The following RORA variants were observed in gnomAD, a reference collection of about 807,000 sequenced individuals.
RORA encodes RAR related orphan receptor A, also known as nuclear receptor ROR-alpha.
A neutral mutation model predicts 69.5 loss-of-function variants in RORA; 7 were observed. The ratio of observed to expected loss-of-function variants is 0.10; its 90% CI spans 0.06 to 0.19. The LOEUF is 0.19. RORA is among the 10% of genes least tolerant of loss of function. The pLI is 1.00. For missense variants in RORA, 457 were observed against 663.0 expected (o/e 0.69, Z 3.41); for synonymous variants, 261 against 240.8 (o/e 1.08, Z -0.78).
At chr15:60,783,351 A>T (rs1179317580) in intron 1 of RORA, among the ~76,000 whole-genome samples, 2 of 152,058 alleles carry the variant, frequency 1.3e-5, no homozygotes, top group East Asian at 3.9e-4. Flanking sequence ...TTTCTTTTCT[A>T]TTTAAAAATT....
chr15:61,181,678 G>C (rs1378830051), intron 1 of RORA, among the ~76,000 whole-genome samples: 4 of 131,558 alleles, frequency 3.0e-5, no homozygotes, highest in African/African-American at 8.6e-5. Flanking sequence ...GATTAGCTTT[G>C]GCAAAAAAAA....
chr15:61,078,019 A>T (rs993211381), intron 1 of RORA, among the ~76,000 whole-genome samples: 1 of 152,190 alleles, frequency 6.6e-6, no homozygotes, highest in Non-Finnish European at 1.5e-5. Context: ...CGGTGAAGAG[A>T]GCAAGCACTC....
At chr15:60,923,990 C>T (rs1210406929) in intron 1 of RORA, among the ~76,000 whole-genome samples, 2 of 152,308 alleles carry the variant, frequency 1.3e-5, no homozygotes, top group Non-Finnish European at 1.5e-5. Context: ...GAGCACGGGG[C>T]AGTGTGTTTT....
chr15:60,889,210 C>T lies in RORA; in HGVS notation c.167-210524G>A, dbSNP rs188013306. 3.9e-3 allele frequency among the ~76,000 whole-genome samples: 595 copies of T among 152,346 alleles called. 2 individuals are homozygous for T. Among genetic ancestry groups the T allele is most frequent in the Non-Finnish European group, 7.1e-3 (484 of 68,044 alleles). On this transcript the variant is annotated intron_variant, in intron 1 of 10. Transcript: ENST00000335670. ...TCCTCGAGGCAGGAACTAGATTCTCCGGTGCTGTGCTTCCAGCACCACGCC... is the reference window on the plus strand; with the variant it reads ...TCCTCGAGGCAGGAACTAGATTCTCTGGTGCTGTGCTTCCAGCACCACGCC...
At chr15:60,885,143 G>T (rs2073737356) in intron 1 of RORA, among the ~76,000 whole-genome samples, 2 of 152,170 alleles carry the variant, frequency 1.3e-5, no homozygotes, top group Non-Finnish European at 2.9e-5. Flanking sequence ...ATCTGGACTG[G>T]TCTATAATAC....
At chr15:61,038,385 C>T (rs1896571459) in intron 1 of RORA, among the ~76,000 whole-genome samples, 1 of 152,150 alleles carries the variant, frequency 6.6e-6, no homozygotes, top group South Asian at 2.1e-4. Context: ...AACATTGCAT[C>T]CACAAACACT....
intron 1 of RORA, among the ~76,000 whole-genome samples, chr15:61,192,839 C>G (rs1219974363): frequency 1.3e-5 from 2 of 152,218 alleles, no homozygotes; most frequent in Non-Finnish European, 2.9e-5. Flanking sequence ...TCTACATTTT[C>G]TAATCTGTGA....
chr15:60,563,251 C>T (rs1341750862), intron 2 of RORA, among the ~76,000 whole-genome samples: 1 of 152,174 alleles, frequency 6.6e-6, no homozygotes, highest in Non-Finnish European at 1.5e-5. Context: ...GGTGCAAATA[C>T]CAGGTGTGCC....
intron 2 of RORA, among the ~76,000 whole-genome samples, chr15:60,555,327 G>C (rs987517153): frequency 6.6e-6 from 1 of 152,148 alleles, no homozygotes. Context: ...AGGTTCCAAA[G>C]CCCTTGAGAG....
chr15:61,117,215 A>G (rs989301057), intron 1 of RORA, among the ~76,000 whole-genome samples: 2 of 149,376 alleles, frequency 1.3e-5, no homozygotes, highest in African/African-American at 4.9e-5. Context: ...GCCTCAGCCA[A>G]CAAATCTGAT....
intron 1 of RORA, among the ~76,000 whole-genome samples, chr15:61,090,945 C>T (rs2078696953): frequency 6.6e-6 from 1 of 152,110 alleles, no homozygotes; most frequent in South Asian, 2.1e-4. Context: ...ACCTCATGAT[C>T]TCACTCTGTC....
chr15:60,497,121 A>G lies in RORA; in HGVS notation c.*334T>C. 5.0e-6 allele frequency: 1 copy of G among 199,526 alleles called. No homozygotes were observed. The highest frequency in any genetic ancestry group is 1.2e-4 in the South Asian group (1 of 8,496). 12.4% of individuals were successfully genotyped at this position (199,526 alleles called of 1,614,324 possible). A position where few individuals can be genotyped will look rare whatever the true frequency, so the allele number is the denominator to read the frequency against. On this transcript the variant is annotated 3_prime_UTR_variant, in exon 11 of 11. Coordinates refer to ENST00000335670, the MANE Select transcript of RORA (RefSeq NM_134261.3). ...GTTACTGACAGATTGGTGACTCTGTAGAAAGTCTGTGGGCAGTGAGCTACA... is the reference window on the plus strand; with the variant it reads ...GTTACTGACAGATTGGTGACTCTGTGGAAAGTCTGTGGGCAGTGAGCTACA...
chr15:60,521,359 A>T (rs1459623233), intron 3 of RORA, among the ~76,000 whole-genome samples: 1 of 151,254 alleles, frequency 6.6e-6, no homozygotes, highest in Non-Finnish European at 1.5e-5. Flanking sequence ...CTCCTGCCTC[A>T]GCCTCCCGAG....
intron 1 of RORA, among the ~76,000 whole-genome samples, chr15:61,089,577 C>T (rs2078674485): frequency 6.6e-6 from 1 of 152,192 alleles, no homozygotes; most frequent in African/African-American, 2.4e-5. Context: ...CCTTGGAGAT[C>T]ACTTCTAAAA....
chr15:60,580,059 CA>C (rs57075893), intron 2 of RORA, among the ~76,000 whole-genome samples: 49 of 143,846 alleles, frequency 3.4e-4, no homozygotes, highest in East Asian at 1.6e-3. Flanking sequence ...CAAAGGCAAG[CA>C]AAAAAAAAAG....
chr15:60,841,041 T>C, intron 1 of RORA: 1 of 969,644 alleles, frequency 1.0e-6, no homozygotes, highest in Non-Finnish European at 1.2e-6. Context: ...AATTTAGGCA[T>C]TGAAAGTAAA....
At chr15:61,150,408 AACAG>A (rs1416720703) in intron 1 of RORA, among the ~76,000 whole-genome samples, 1 of 141,228 alleles carries the variant, frequency 7.1e-6, no homozygotes, top group Non-Finnish European at 1.5e-5. Flanking sequence ...TGTACATACA[AACAG>A]ACAGTCTCAT....
At chr15:60,683,377 C>T (rs924051769) in intron 1 of RORA, among the ~76,000 whole-genome samples, 1 of 152,178 alleles carries the variant, frequency 6.6e-6, no homozygotes, top group Non-Finnish European at 1.5e-5. Context: ...TCTAAGCTAT[C>T]AAGCCAAACC....
At chr15:60,671,732 C>T (rs1375383683) in intron 2 of RORA, among the ~76,000 whole-genome samples, 1 of 151,926 alleles carries the variant, frequency 6.6e-6, no homozygotes, top group African/African-American at 2.4e-5. Flanking sequence ...ATGCCTCAGC[C>T]TCCCAAGTAG....
Sources: allele counts gnomAD v4.1 joint callset (sites outside exome capture counted in the v4.1 genomes callset), GRCh38; gene constraint gnomAD v4.1.1; transcripts MANE v1.5; gene names NCBI Gene and HGNC (gene_info 2026-07-23, HGNC 2026-07-21).